The following FBXO41 variants were observed in gnomAD, a reference collection of about 807,000 sequenced individuals.
The protein encoded by FBXO41 is F-box only protein 41.
In FBXO41, 33 loss-of-function variants were observed where a neutral mutation model predicts 81.6. The observed-to-expected ratio is 0.40, with a 90% CI of 0.31 to 0.54. The LOEUF (loss-of-function observed/expected upper bound fraction) is 0.54. FBXO41 is among the 20% of genes least tolerant of loss of function. The pLI is 0.39. For missense variants in FBXO41, 1,107 were observed against 1,236.0 expected, an observed-to-expected ratio of 0.90 and a Z score of 1.56; for synonymous variants, 576 against 552.7, an observed-to-expected ratio of 1.04 and a Z score of -0.59.
chr2:73,261,129 T>C (rs1292490175), intron 9 of FBXO41, among the ~76,000 whole-genome samples: 1 of 151,836 alleles, frequency 6.6e-6, no homozygotes, highest in Non-Finnish European at 1.5e-5. Context: ...CAATTTCGGC[T>C]CACTGCAACC....
At position 73,265,606 on chromosome 2, in the gene FBXO41, A is replaced by G. The variant is rs894891432; in HGVS notation, c.1240T>C (p.Ser414Pro). Residue 414 changes from serine to proline, a missense_variant, in exon 5 of 13, where the codon TCA becomes CCA. Physicochemically the swap from Ser to Pro is moderately conservative, Grantham distance 74. This residue lies in a region of FBXO41 where 771 missense variants were observed against 789.2 expected (regional missense o/e 0.98). Transcript: ENST00000520530. ...AGACTGTCACTGTCATAGCAGCCTGAGCTCTGGGATGCGGCTGGCACACGG... is the reference window on the plus strand; with the variant it reads ...AGACTGTCACTGTCATAGCAGCCTGGGCTCTGGGATGCGGCTGGCACACGG... ...SSRVPAASQS[S>P]GCYDSDSLEL... The G allele has an allele frequency of 6.6e-7, 1 of 1,525,976 alleles. No individual in the cohort carries two copies. Among genetic ancestry groups the G allele is most frequent in the African/African-American group, 1.4e-5 (1 of 72,112 alleles). The allele number at this position is 1,525,976 out of a possible 1,614,324, so 94.5% of individuals were successfully genotyped here.
At chr2:73,276,568 G>GAGAA (rs1233946399) in intron 1 of FBXO41, among the ~76,000 whole-genome samples, 2 of 116,748 alleles carry the variant, frequency 1.7e-5, no homozygotes, top group African/African-American at 4.4e-5. Context: ...TTCAGAGAGA[G>GAGAA]AGAGAGAGAG....
chr2:73,275,180 C>T (rs1310049801), intron 1 of FBXO41, among the ~76,000 whole-genome samples: 4 of 151,968 alleles, frequency 2.6e-5, no homozygotes, highest in Middle Eastern at 3.4e-3. Context: ...TGAGCCACCG[C>T]GCCCGGCCCT....
At chr2:73,278,276 G>A (rs1361476781) in intron 1 of FBXO41, among the ~76,000 whole-genome samples, 1 of 152,162 alleles carries the variant, frequency 6.6e-6, no homozygotes, top group Non-Finnish European at 1.5e-5. Flanking sequence ...TGAGGACCTA[G>A]GTGTCTAAGA....
Position 73,258,879 on chromosome 2 carries a change from A to G in FBXO41, c.*103T>C. ...AGTCCCCCTCCAGAAGCCAGGGATA[A>G]CACTCGGCCTCCAAAGGTCTAGTCC... On this transcript the variant is annotated 3_prime_UTR_variant, in exon 13 of 13. Coordinates refer to ENST00000520530, the MANE Select transcript of FBXO41 (RefSeq NM_001371389.2). 8.7e-6 allele frequency: 11 copies of G among 1,259,188 alleles called. No homozygotes were observed. The highest frequency in any genetic ancestry group is 1.1e-5 in the Non-Finnish European group (10 of 927,208). The allele number at this position is 1,259,188 out of a possible 1,614,324, so 78.0% of individuals were successfully genotyped here.
chr2:73,264,641 T>A, intron 5 of FBXO41, 122 bp from the exon 6 acceptor site: 1 of 1,429,050 alleles, frequency 7.0e-7, no homozygotes, highest in Non-Finnish European at 9.4e-7. Context: ...TACCAGGGCC[T>A]AGGGAGGAAG....
At chr2:73,276,600 GA>G in intron 1 of FBXO41, among the ~76,000 whole-genome samples, 1 of 94,128 alleles carries the variant, frequency 1.1e-5, no homozygotes, top group Non-Finnish European at 2.0e-5. Flanking sequence ...GAGAGAGAGA[GA>G]GAGGGAGAGA....
intron 1 of FBXO41, among the ~76,000 whole-genome samples, chr2:73,277,056 T>C (rs374065914): frequency 2.6e-5 from 4 of 152,186 alleles, no homozygotes; most frequent in East Asian, 1.9e-4. Flanking sequence ...CCATACACTT[T>C]TGAAGTGCCC....
Position 73,269,299 on chromosome 2 carries a change from T to C in FBXO41, c.332A>G (p.His111Arg). 1.3e-6 allele frequency: 2 copies of C among 1,529,418 alleles called. No homozygotes were observed. The highest frequency in any genetic ancestry group is 1.4e-5 in the African/African-American group (1 of 69,560). 94.7% of individuals were successfully genotyped at this position (1,529,418 alleles called of 1,614,324 possible). ...AAPHLLHHHH[H>R]HAPLAHFPGD... ...GGGGAAGTGGGCGAGGGGAGCGTGG[T>C]GATGGTGGTGGTGCAGCAGGTGCGG... Residue 111 changes from histidine to arginine, a missense_variant, in exon 2 of 13, where the codon CAC (histidine) becomes CGC (arginine). Transcript: ENST00000520530. This position sits in a 1 kb window ranked among gnomAD's most constrained non-coding sequence, Gnocchi z 7.0.
chr2:73,268,660 G>C, intron 2 of FBXO41, 66 bp downstream of exon 2: 1 of 1,379,844 alleles, frequency 7.2e-7, no homozygotes, highest in East Asian at 2.6e-5. Flanking sequence ...CACGCCCACG[G>C]TGGTGGTGGT....
In FBXO41 at chr2:73,265,920, G is replaced by C; in HGVS notation, c.1178C>G (p.Ser393Ter). ...TGTGCTCGGAGAGGAGCCATGCCGT[G>C]ACACTGCATATGTGTTAGGCACGGC... ...GPAVPNTYAV[S>*]RHGSSPSTGA... Residue 393 changes from serine to a stop codon, truncating the protein, a stop_gained, in exon 4 of 13, where the codon TCA (serine) becomes TGA (stop). Transcript: ENST00000520530. LOFTEE classifies it high-confidence loss of function. The C allele has an allele frequency of 6.3e-7, 1 of 1,587,884 alleles. No homozygotes were observed. The highest frequency in any genetic ancestry group is 8.6e-7 in the Non-Finnish European group (1 of 1,167,040).
intron 1 of FBXO41, among the ~76,000 whole-genome samples, chr2:73,276,099 CT>C (rs958401233): frequency 4.1e-5 from 6 of 145,098 alleles, no homozygotes; most frequent in Non-Finnish European, 6.1e-5. Flanking sequence ...ATTTAACTTT[CT>C]TTTTTTTTAA....
chr2:73,258,367 C>G lies in FBXO41; in HGVS notation c.*615G>C, dbSNP rs1687891323. The G allele has an allele frequency of 6.6e-6, 1 of 152,302 alleles. No homozygotes were observed. Among genetic ancestry groups the G allele is most frequent in the African/African-American group, 2.4e-5 (1 of 41,432 alleles). 9.4% of individuals were successfully genotyped at this position (152,302 alleles called of 1,614,324 possible). On this transcript the variant is annotated 3_prime_UTR_variant, in exon 13 of 13. Transcript: ENST00000520530. The stretch of plus-strand genomic sequence containing the variant: ...TCTGGGTGACTGTTTCCTTTCCAAA[C>G]CCACCCCCACTACCCCACTGTACTG...
In FBXO41 at chr2:73,269,081, C is replaced by A; in HGVS notation, c.550G>T (p.Ala184Ser). The change falls in exon 2 of 13, where the codon GCC becomes TCC. Residue 184 changes from alanine to serine, a missense_variant. Physicochemically the swap from Ala to Ser is moderately conservative, Grantham distance 99 (BLOSUM62 1). Around this residue, in one of 2 missense-constraint regions of FBXO41, gnomAD observed 771 missense variants for 789.2 expected, o/e 0.98. Transcript: ENST00000520530. The surrounding 1 kb of genome is among the most constrained non-coding windows in gnomAD (Gnocchi z 7.0). ...GPGPGPCPGP[A>S]SASPASPSPA... ...GAGGGGGACGCGGGCGAAGCGGAGG[C>A]AGGCCCGGGGCAAGGGCCGGGGCCG... is the stretch of plus-strand genomic sequence containing the variant. The A allele has an allele frequency of 6.6e-7, 1 of 1,511,226 alleles. No homozygotes were observed. Among genetic ancestry groups the A allele is most frequent in the South Asian group, 1.3e-5 (1 of 79,632 alleles). The allele number at this position is 1,511,226 out of a possible 1,614,324, so 93.6% of individuals were successfully genotyped here. A position where few individuals can be genotyped will look rare whatever the true frequency, so the allele number is the denominator to read the frequency against.
chr2:73,265,811 G>A (rs558798075), intron 4 of FBXO41, 82 bp downstream of exon 4: 1 of 1,493,712 alleles, frequency 6.7e-7, no homozygotes, highest in Admixed American at 2.0e-5. Context: ...GGGGCAGGAG[G>A]GTGACACAAG....
intron 1 of FBXO41, among the ~76,000 whole-genome samples, chr2:73,280,558 T>C (rs567625753): frequency 3.6e-4 from 55 of 152,200 alleles, no homozygotes; most frequent in Non-Finnish European, 6.5e-4. Context: ...TACAAGATTT[T>C]GCTCCATGGG....
chr2:73,269,276 G>A lies in FBXO41; in HGVS notation c.355C>T (p.Pro119Ser), dbSNP rs1159910979. 7.2e-6 allele frequency: 11 copies of A among 1,531,186 alleles called. No individual in the cohort carries two copies. The East Asian group carries it at 2.6e-4, about 36-fold the overall frequency. The allele number at this position is 1,531,186 out of a possible 1,614,324, so 94.8% of individuals were successfully genotyped here. Reference protein sequence around the residue: ...HHHHAPLAHFPGDLVPASLPC... With the variant: ...HHHHAPLAHFSGDLVPASLPC... The stretch of plus-strand genomic sequence containing the variant: ...AGGCTAGCGGGCACCAGGTCGCCGG[G>A]GAAGTGGGCGAGGGGAGCGTGGTGA... Residue 119 changes from proline (P) to serine (S), a missense_variant, in exon 2 of 13, where the codon CCC becomes TCC. By Grantham distance (74) the Pro-to-Ser change is moderately conservative (BLOSUM62 -1). Transcript: ENST00000520530. This position sits in a 1 kb window ranked among gnomAD's most constrained non-coding sequence, Gnocchi z 7.0.
At chr2:73,262,604 C>T (rs1305206486) in intron 9 of FBXO41, among the ~76,000 whole-genome samples, 1 of 152,162 alleles carries the variant, frequency 6.6e-6, no homozygotes, top group East Asian at 1.9e-4. Flanking sequence ...CTCATTTGGG[C>T]GAGCAACAGC....
In FBXO41 at chr2:73,255,552, C is replaced by A. The variant is rs1169544967; in HGVS notation, c.*3430G>T. ...GACAGGTCCCATGGGTTCGAGTTAACTTCTCTGGGCATTTGGGCCTTACAC... is the reference window on the plus strand; with the variant it reads ...GACAGGTCCCATGGGTTCGAGTTAAATTCTCTGGGCATTTGGGCCTTACAC... On this transcript the variant is annotated 3_prime_UTR_variant, in exon 13 of 13. Transcript: ENST00000520530. 1 of 152,622 alleles carries A rather than the reference C, an allele frequency of 6.6e-6. No homozygotes were observed. Among genetic ancestry groups the A allele is most frequent in the Non-Finnish European group, 1.5e-5 (1 of 68,046 alleles). 9.5% of individuals were successfully genotyped at this position (152,622 alleles called of 1,614,324 possible). A position where few individuals can be genotyped will look rare whatever the true frequency, so the allele number is the denominator to read the frequency against.
Sources: allele counts gnomAD v4.1 joint callset (sites outside exome capture counted in the v4.1 genomes callset), GRCh38; gene constraint gnomAD v4.1.1; regional missense constraint gnomAD v4.1.1; non-coding constraint Gnocchi (gnomAD v3.1); transcripts MANE v1.5; gene names NCBI Gene and HGNC (gene_info 2026-07-23, HGNC 2026-07-21).